QRICH2: variants seen among roughly 807,000 people sequenced by gnomAD.
QRICH2 encodes the protein glutamine rich 2, also known as glutamine-rich protein 2.
In QRICH2, 119 loss-of-function variants were observed where a neutral mutation model predicts 168.3. The ratio of observed to expected loss-of-function variants is 0.71; its 90% CI spans 0.61 to 0.82. QRICH2 has a LOEUF of 0.82. Ranked by LOEUF, QRICH2 falls within the 40% of genes least tolerant of loss-of-function variation. The pLI is 0.00. For missense variants in QRICH2, 2,241 were observed against 2,491.6 expected (o/e 0.90, Z 2.14); for synonymous variants, 894 against 951.2 (o/e 0.94, Z 1.11).
Position 76,280,576 on chromosome 17 carries a change from C to T in QRICH2, c.4461+78G>A. ...GAGCCCACACTCGTCTCGCCAGCTC[C>T]CCTCCACTCAGTCTCTCAAAGAACA... is the stretch of plus-strand genomic sequence containing the variant. On this transcript the variant is annotated intron_variant, in intron 10 of 18. Transcript: ENST00000680821. This position sits in a 1 kb window ranked among gnomAD's most constrained non-coding sequence, Gnocchi z 7.4. 6.3e-7 allele frequency: 1 copy of T among 1,598,894 alleles called. No individual in the cohort carries two copies.
chr17:76,280,563 G>C lies in QRICH2; in HGVS notation c.4461+91C>G. 3 of 1,594,576 alleles carry C rather than the reference G, an allele frequency of 1.9e-6. No individual in the cohort carries two copies. Among genetic ancestry groups the C allele is most frequent in the Non-Finnish European group, 2.6e-6 (3 of 1,164,604 alleles). The stretch of plus-strand genomic sequence containing the variant: ...GGCAGGTTTCTGAGAGCCCACACTC[G>C]TCTCGCCAGCTCCCCTCCACTCAGT... On this transcript the variant is annotated intron_variant, in intron 10 of 18. Transcript: ENST00000680821. The surrounding 1 kb of genome is among the most constrained non-coding windows in gnomAD (Gnocchi z 7.4).
rs769730013 is a variant in QRICH2 at position 76,292,557 on chromosome 17, C to G, written c.2170G>C (p.Gly724Arg). ...TGGACCAAACCATGCTGAACTGCAC[C>G]AGGTTGAGCCAAATCACTCTGATCT... ...GADQSDLAQP[G>R]AVQHGLVQPG... Residue 724 changes from glycine to arginine, a missense_variant, in exon 4 of 19, where the codon GGT (glycine) becomes CGT (arginine). Gly to Arg is a moderately radical substitution (Grantham distance 125). This residue lies in a region of QRICH2 where 2,047 missense variants were observed against 2,303.8 expected (regional missense o/e 0.89). Transcript: ENST00000680821. The G allele has an allele frequency of 1.2e-6, 2 of 1,613,980 alleles. No individual in the cohort carries two copies. The highest frequency in any genetic ancestry group is 1.7e-6 in the Non-Finnish European group (2 of 1,179,934).
intron 3 of QRICH2, among the ~76,000 whole-genome samples, chr17:76,300,234 AG>A (rs777682282): frequency 3.3e-5 from 5 of 152,176 alleles, no homozygotes; most frequent in Non-Finnish European, 5.9e-5. Flanking sequence ...ACATAAGCAT[AG>A]ACACCTTTAA....
Position 76,280,653 on chromosome 17 carries a change from C to T in QRICH2, c.4461+1G>A. On this transcript the variant is annotated splice_donor_variant, in intron 10 of 18. Coordinates refer to ENST00000680821, the MANE Select transcript of QRICH2 (RefSeq NM_001388453.1). LOFTEE classifies it high-confidence loss of function. This position sits in a 1 kb window ranked among gnomAD's most constrained non-coding sequence, Gnocchi z 7.4. ...CGTGGCTCCTGGGGCCTGGCACCCA[C>T]CACATCGATCTCCATCTCCAGGTGC... The T allele has an allele frequency of 6.2e-7, 1 of 1,614,178 alleles. No homozygotes were observed. The highest frequency in any genetic ancestry group is 8.5e-7 in the Non-Finnish European group (1 of 1,180,016).
In QRICH2 at chr17:76,284,590, G is replaced by A. The variant is rs113669127; in HGVS notation, c.4012-2475C>T. On this transcript the variant is annotated intron_variant, in intron 7 of 18. Transcript: ENST00000680821. ...TCCCAGCACTTTGGGAGACCGAGGCGGGTGGATCACGAGGTCAGGAGTTCA... is the reference window on the plus strand; with the variant it reads ...TCCCAGCACTTTGGGAGACCGAGGCAGGTGGATCACGAGGTCAGGAGTTCA... 3.2e-3 allele frequency among the ~76,000 whole-genome samples: 487 copies of A among 151,786 alleles called. 6 individuals carry two copies. The highest frequency in any genetic ancestry group is 0.023 in the South Asian group (109 of 4,822).
rs2070998104 is a variant in QRICH2, at chr17:76,291,784, C to G, written c.2943G>C (p.Leu981Phe). The G allele has an allele frequency of 6.2e-7, 1 of 1,614,178 alleles. No homozygotes were observed. The change falls in exon 4 of 19, where the codon TTG becomes TTC. Residue 981 changes from leucine to phenylalanine, a missense_variant. Transcript: ENST00000680821. ...LRQPGAYQPG[L>F]IAPGTKLRGS... ...CACGAAGCTTTGTGCCTGGTGCTAT[C>G]AAGCCTGGCTGATATGCACCAGGTT...
At chr17:76,284,510 A>G (rs2070845985) in intron 7 of QRICH2, among the ~76,000 whole-genome samples, 2 of 131,756 alleles carry the variant, frequency 1.5e-5, no homozygotes, top group African/African-American at 8.1e-5. Flanking sequence ...TTGGATATGT[A>G]TATTTTATCT....
At chr17:76,275,700 C>A (rs1029907943) in intron 18 of QRICH2, 119 bp downstream of exon 18, 1 of 1,298,970 alleles carries the variant, frequency 7.7e-7, no homozygotes, top group Non-Finnish European at 1.0e-6. Context: ...ACCCATCCCC[C>A]CCTTCGGCTC....
At chr17:76,276,489 G>C (rs1330627135) in intron 17 of QRICH2, among the ~76,000 whole-genome samples, 191 bp downstream of exon 17, 3 of 152,228 alleles carry the variant, frequency 2.0e-5, no homozygotes, top group African/African-American at 4.8e-5. Context: ...GATGGCTGAG[G>C]CTGGACAGCT....
rs1001980561 is a variant in QRICH2, at chr17:76,284,516, T to C, written c.4012-2401A>G. On this transcript the variant is annotated intron_variant, in intron 7 of 18. Coordinates refer to ENST00000680821, the MANE Select transcript of QRICH2 (RefSeq NM_001388453.1). Reference sequence around the variant, plus strand: ...ATGAAGGATTTGGATATGTATATTTTATCTCTAAAGAAAGTATACAGGCCA... The same window carrying C: ...ATGAAGGATTTGGATATGTATATTTCATCTCTAAAGAAAGTATACAGGCCA... 1.6e-5 allele frequency among the ~76,000 whole-genome samples: 2 copies of C among 127,250 alleles called. 1 individual carries two copies. Among genetic ancestry groups the C allele is most frequent in the African/African-American group, 9.5e-5 (2 of 21,142 alleles). The allele number at this position is 127,250 out of a possible 152,430, so 83.5% of individuals were successfully genotyped here.
intron 7 of QRICH2, 150 bp downstream of exon 7, chr17:76,287,042 T>TC (rs2070898241): frequency 8.4e-6 from 1 of 118,736 alleles, no homozygotes; most frequent in Non-Finnish European, 1.5e-5. Flanking sequence ...ACACACCACA[T>TC]AACACACACA....
At position 76,291,138 on chromosome 17, in the gene QRICH2, A is replaced by G; in HGVS notation, c.3589T>C (p.Phe1197Leu). The change falls in exon 4 of 19, where the codon TTT becomes CTT. Residue 1197 changes from phenylalanine to leucine, a missense_variant. Transcript: ENST00000680821. The stretch of plus-strand genomic sequence containing the variant: ...CTACTGAGCTCTCCCATCAGATGAA[A>G]TGTCTCCACTGCCGTGGGGAAACTA... ...SSSFPTAVET[F>L]HLMGELSSLY... 6.2e-7 allele frequency: 1 copy of G among 1,614,112 alleles called. No homozygotes were observed. Among genetic ancestry groups the G allele is most frequent in the Non-Finnish European group, 8.5e-7 (1 of 1,180,032 alleles).
intron 18 of QRICH2, among the ~76,000 whole-genome samples, chr17:76,274,612 C>G (rs145727515): frequency 6.6e-6 from 1 of 152,352 alleles, no homozygotes; most frequent in African/African-American, 2.4e-5. Context: ...CTCTCTCCTG[C>G]TTCCAGGGCA....
rs755098899 is a variant in QRICH2, at chr17:76,292,362, G to A, written c.2365C>T (p.Arg789Cys). Reference protein sequence around the residue: ...HGLAQPGEVQRSLVQPGIVQR... With the variant: ...HGLAQPGEVQCSLVQPGIVQR... ...ACTATACCAGGTTGCACCAAACTACGCTGAACTTCACCAGGTTGTGCCAAA... is the reference window on the plus strand; with the variant it reads ...ACTATACCAGGTTGCACCAAACTACACTGAACTTCACCAGGTTGTGCCAAA... The change falls in exon 4 of 19, where the codon CGT becomes TGT. Residue 789 changes from arginine (R) to cysteine (C), a missense_variant. By Grantham distance (180) the Arg-to-Cys change is radical. This residue lies in a region of QRICH2 where 2,047 missense variants were observed against 2,303.8 expected (regional missense o/e 0.89). Transcript: ENST00000680821. 11 of 1,597,550 alleles carry A rather than the reference G, an allele frequency of 6.9e-6. No individual in the cohort carries two copies. Among genetic ancestry groups the A allele is most frequent in the African/African-American group, 2.7e-5 (2 of 73,314 alleles).
rs1169251679 is a variant in QRICH2 at position 76,297,870 on chromosome 17, G to GTTTTTTTTTTTT, written c.706-3861_706-3850dup. Among the ~76,000 whole-genome samples the GTTTTTTTTTTTT allele has an allele frequency of 4.8e-3, 383 of 79,474 alleles. 35 individuals are homozygous for GTTTTTTTTTTTT. The highest frequency in any genetic ancestry group is 8.3e-3 in the Middle Eastern group (1 of 120). 52.1% of individuals were successfully genotyped at this position (79,474 alleles called of 152,430 possible). Reference sequence around the variant, plus strand: ...AGTAGCTAGGACTACTTAGGAATCTGTTTTTTTTTTTTTTTTTTTTTTTTT... The same window carrying GTTTTTTTTTTTT: ...AGTAGCTAGGACTACTTAGGAATCTGTTTTTTTTTTTTTTTTTTTTTTTTTTTTTTTTTTTTT... On this transcript the variant is annotated intron_variant, in intron 3 of 18. Transcript: ENST00000680821.
Position 76,281,828 on chromosome 17 carries a change from C to T in QRICH2, c.4263+36G>A. 2 of 1,601,864 alleles carry T rather than the reference C, an allele frequency of 1.2e-6. No individual in the cohort carries two copies. On this transcript the variant is annotated intron_variant, in intron 8 of 18. Transcript: ENST00000680821. This position sits in a 1 kb window ranked among gnomAD's most constrained non-coding sequence, Gnocchi z 4.4. ...GTGGCCCTCCTCTGTGGGGCCATGT[C>T]CAGTTGCAGCAGGAGGGAGGCGAGC... is the stretch of plus-strand genomic sequence containing the variant.
intron 16 of QRICH2, among the ~76,000 whole-genome samples, 178 bp downstream of exon 16, chr17:76,276,984 GC>G (rs1373333609): frequency 6.6e-6 from 1 of 152,254 alleles, no homozygotes; most frequent in Non-Finnish European, 1.5e-5. Context: ...CAGGCAGGTG[GC>G]CGGGGTGAAT....
In QRICH2 at chr17:76,281,467, G is replaced by A. The variant is rs187013288; in HGVS notation, c.4263+397C>T. On this transcript the variant is annotated intron_variant, in intron 8 of 18. Coordinates refer to ENST00000680821, the MANE Select transcript of QRICH2 (RefSeq NM_001388453.1). This position sits in a 1 kb window ranked among gnomAD's most constrained non-coding sequence, Gnocchi z 4.4. ...GAGGCAGGACCCAGGATTTGTGGCT[G>A]TGCCCGCCCCCACCAGCAAGCCTGC... Among the ~76,000 whole-genome samples, 35 of 152,300 alleles carry A rather than the reference G, an allele frequency of 2.3e-4. No individual in the cohort carries two copies. The highest frequency in any genetic ancestry group is 7.0e-4 in the African/African-American group (29 of 41,558).
At chr17:76,277,765 TACAC>T (rs931164565) in intron 15 of QRICH2, among the ~76,000 whole-genome samples, 7 of 151,370 alleles carry the variant, frequency 4.6e-5, no homozygotes, top group South Asian at 2.1e-4. Context: ...CACGCACTCA[TACAC>T]ACACACCCTT....
Sources: gnomAD v4.1 joint callset for allele counts (sites outside exome capture counted in the v4.1 genomes callset) on GRCh38, gnomAD v4.1.1 for gene constraint, gnomAD v4.1.1 regional missense constraint, Gnocchi (gnomAD v3.1) non-coding constraint, MANE v1.5 for transcripts, NCBI Gene and HGNC (gene_info 2026-07-23, HGNC 2026-07-21) for gene names.